The following CCDC30 variants were observed in gnomAD, a reference collection of about 807,000 sequenced individuals.
The protein encoded by CCDC30 is coiled-coil domain-containing protein 30.
CCDC30 carries 70 observed loss-of-function variants against 100.2 expected under a neutral mutation model. That is an observed-to-expected ratio of 0.70 (90% CI 0.58 to 0.85). CCDC30 has a LOEUF of 0.85. CCDC30 is among the 40% of genes least tolerant of loss of function. CCDC30 has a pLI of 0.00. For missense variants in CCDC30, 652 were observed against 771.2 expected (o/e 0.85, Z 1.83); for synonymous variants, 233 against 269.5 (o/e 0.86, Z 1.33).
At chr1:42,635,411 C>A (rs1024613788) in intron 11 of CCDC30, among the ~76,000 whole-genome samples, 11 of 152,154 alleles carry the variant, frequency 7.2e-5, no homozygotes, top group Non-Finnish European at 1.6e-4. Flanking sequence ...CACCTTTTGG[C>A]TGTTATGGAT....
chr1:42,470,098 A>G (rs1643719046), intron 1 of CCDC30, among the ~76,000 whole-genome samples: 1 of 152,192 alleles, frequency 6.6e-6, no homozygotes, highest in Non-Finnish European at 1.5e-5. Context: ...CAAAGGGGTA[A>G]GATAACTGGG....
chr1:42,556,377 G>T, intron 6 of CCDC30: 1 of 1,613,506 alleles, frequency 6.2e-7, no homozygotes, highest in Non-Finnish European at 8.5e-7. Context: ...CAGAGCTCTG[G>T]GGATAGTTCA....
intron 6 of CCDC30, among the ~76,000 whole-genome samples, chr1:42,505,161 T>C (rs183620090): frequency 3.9e-5 from 6 of 152,326 alleles, no homozygotes; most frequent in Non-Finnish European, 7.3e-5. Context: ...TGCCAAGATA[T>C]AGAATTTCCC....
chr1:42,489,111 T>C (rs145036554), intron 3 of CCDC30, among the ~76,000 whole-genome samples: 163 of 152,302 alleles, frequency 1.1e-3, no homozygotes, highest in African/African-American at 3.7e-3. Flanking sequence ...CCTTCTTCCA[T>C]AGAGGAATAC....
chr1:42,507,593 C>T (rs1012852195), intron 6 of CCDC30, among the ~76,000 whole-genome samples: 11 of 152,182 alleles, frequency 7.2e-5, no homozygotes, highest in Non-Finnish European at 1.6e-4. Flanking sequence ...TGTTTTTACA[C>T]ACCTTGCATG....
intron 1 of CCDC30, chr1:42,473,246 G>T (rs1204250759): frequency 8.1e-7 from 1 of 1,231,572 alleles, no homozygotes; most frequent in African/African-American, 1.5e-5. Context: ...ACAGGCTGAG[G>T]ACTGCTACCA....
At chr1:42,638,340 G>A (rs1047482512) in intron 12 of CCDC30, among the ~76,000 whole-genome samples, 6 of 152,022 alleles carry the variant, frequency 3.9e-5, no homozygotes, top group Admixed American at 6.5e-5. Context: ...ACTCCAGCCT[G>A]GGCAACATAG....
chr1:42,510,365 T>G (rs1569860425), intron 6 of CCDC30, among the ~76,000 whole-genome samples: 1 of 152,112 alleles, frequency 6.6e-6, no homozygotes, highest in East Asian at 1.9e-4. Context: ...AACACTTGAG[T>G]TAAATTTTGG....
chr1:42,618,361 C>T (rs375901916), intron 11 of CCDC30, among the ~76,000 whole-genome samples: 11 of 151,682 alleles, frequency 7.3e-5, no homozygotes, highest in African/African-American at 1.9e-4. Context: ...CTCAGCCTCC[C>T]GAGTAGCTGG....
intron 6 of CCDC30, among the ~76,000 whole-genome samples, chr1:42,520,523 G>A (rs1027465513): frequency 6.6e-6 from 1 of 150,722 alleles, no homozygotes; most frequent in African/African-American, 2.4e-5. Flanking sequence ...GTAGAGACAG[G>A]GTTTCACCAT....
chr1:42,597,859 TGC>T (rs1333810513), intron 10 of CCDC30, among the ~76,000 whole-genome samples: 2 of 142,110 alleles, frequency 1.4e-5, no homozygotes, highest in African/African-American at 5.3e-5. Context: ...AGCAAGAATC[TGC>T]CTTAAAAAAA....
At chr1:42,477,897 G>A (rs545054650) in intron 1 of CCDC30, among the ~76,000 whole-genome samples, 1 of 152,326 alleles carries the variant, frequency 6.6e-6, no homozygotes, top group South Asian at 2.1e-4. Flanking sequence ...AGATTAAGAA[G>A]CTGGGAAAGG....
At chr1:42,552,683 C>A (rs6703733) in intron 6 of CCDC30, among the ~76,000 whole-genome samples, 54,513 of 151,916 alleles carry the variant, frequency 0.36, 9,960 homozygotes, top group Admixed American at 0.4. Flanking sequence ...AATTCCTTTT[C>A]TCCAGTAGCC....
intron 6 of CCDC30, among the ~76,000 whole-genome samples, chr1:42,538,431 G>A (rs1211553424): frequency 1.3e-5 from 2 of 151,874 alleles, no homozygotes; most frequent in African/African-American, 2.4e-5. Context: ...ATAATTTGTA[G>A]TTAGGAACAC....
intron 11 of CCDC30, among the ~76,000 whole-genome samples, chr1:42,634,197 G>GT (rs1647099197): frequency 6.7e-6 from 1 of 150,342 alleles, no homozygotes; most frequent in African/African-American, 2.4e-5. Flanking sequence ...GGAGGCTGAG[G>GT]TGGGAGGATC....
intron 6 of CCDC30, among the ~76,000 whole-genome samples, chr1:42,546,201 C>T (rs1005462072): frequency 1.6e-4 from 24 of 150,218 alleles, no homozygotes; most frequent in Admixed American, 4.6e-4. Context: ...GCATGACCAA[C>T]ATGGAGAAAC....
At position 42,503,900 on chromosome 1, in the gene CCDC30, C is replaced by T. The variant is rs562522575; in HGVS notation, c.456+4984C>T. Among the ~76,000 whole-genome samples the T allele has an allele frequency of 1.6e-4, 24 of 152,186 alleles. 1 individual carries two copies. The South Asian group carries it at 4.6e-3, about 29-fold the overall frequency. Reference sequence around the variant, plus strand: ...AGTCAGGGAGACCCTCACCCAGTGGCGCTAGAGGAATTAAAGACACACACA... The same window carrying T: ...AGTCAGGGAGACCCTCACCCAGTGGTGCTAGAGGAATTAAAGACACACACA... On this transcript the variant is annotated intron_variant, in intron 6 of 16. Coordinates refer to ENST00000668663, the Ensembl canonical transcript of CCDC30.
chr1:42,468,284 T>C (rs1271858300), intron 1 of CCDC30, among the ~76,000 whole-genome samples: 2 of 152,364 alleles, frequency 1.3e-5, no homozygotes, highest in Admixed American at 6.5e-5. Flanking sequence ...CCAGATTTCT[T>C]CTCTCCTGAT....
At chr1:42,512,112 A>G (rs1644487444) in intron 6 of CCDC30, among the ~76,000 whole-genome samples, 1 of 152,232 alleles carries the variant, frequency 6.6e-6, no homozygotes, top group African/African-American at 2.4e-5. Flanking sequence ...TGCAGCATGA[A>G]CATGTCCTCA....
Sources: gnomAD v4.1 joint callset for allele counts (sites outside exome capture counted in the v4.1 genomes callset) on GRCh38, gnomAD v4.1.1 for gene constraint, MANE v1.5 for transcripts, NCBI Gene and HGNC (gene_info 2026-07-23, HGNC 2026-07-21) for gene names.